The following SRCAP variants were observed in gnomAD, a reference collection of about 807,000 sequenced individuals.
SRCAP encodes chromatin remodeling protein SRCAP.
Under a neutral mutation model 263.1 loss-of-function variants are expected in SRCAP, and 46 were observed. The ratio of observed to expected loss-of-function variants is 0.17; its 90% CI spans 0.14 to 0.22. The LOEUF is 0.22. SRCAP is among the 10% of genes least tolerant of loss of function. The pLI, the probability that SRCAP is intolerant of heterozygous loss-of-function variation, is 1.00. For missense variants in SRCAP, 3,695 were observed against 4,181.9 expected, an observed-to-expected ratio of 0.88 and a Z score of 3.21; for synonymous variants, 1,813 against 1,662.1, an observed-to-expected ratio of 1.09 and a Z score of -2.21.
At chr16:30,715,793 A>G (rs1481481355) in intron 16 of SRCAP, among the ~76,000 whole-genome samples, 2 of 152,140 alleles carry the variant, frequency 1.3e-5, no homozygotes, top group East Asian at 1.9e-4. Context: ...AAACTTAACA[A>G]TTACTCCTCA....
At position 30,723,659 on chromosome 16, in the gene SRCAP, C is replaced by G; in HGVS notation, c.4235C>G (p.Ser1412Cys). 6.2e-7 allele frequency: 1 copy of G among 1,613,852 alleles called. No individual in the cohort carries two copies. Among genetic ancestry groups the G allele is most frequent in the Admixed American group, 1.7e-5 (1 of 60,014 alleles). The change falls in exon 25 of 34, where the codon TCT becomes TGT. Residue 1412 changes from serine to cysteine, a missense_variant. Ser to Cys is a moderately radical substitution (Grantham distance 112, BLOSUM62 -1). This residue lies in a region of SRCAP where 1,347 missense variants were observed against 1,304.4 expected (regional missense o/e 1.03). Transcript: ENST00000262518. Reference protein sequence around the residue: ...HVPSSLPGPASSPMPIPNSSP... With the variant: ...HVPSSLPGPACSPMPIPNSSP... ...CCATCCTCCCTCCCTGGGCCAGCCT[C>G]TTCTCCAATGCCAATTCCCAACTCC... is the stretch of plus-strand genomic sequence containing the variant.
intron 25 of SRCAP, 120 bp from the exon 26 acceptor site, chr16:30,728,846 G>C: frequency 1.6e-6 from 2 of 1,214,994 alleles, no homozygotes; most frequent in Non-Finnish European, 2.2e-6. Flanking sequence ...ACTACAAAAA[G>C]CATAGTGTAT....
chr16:30,725,716 G>GT (rs964963720), intron 25 of SRCAP: 42 of 152,108 alleles, frequency 2.8e-4, no homozygotes, highest in African/African-American at 8.4e-4. Context: ...TTGCCACTTG[G>GT]TTTTTTTTGG....
chr16:30,718,698 T>G (rs1479884021), intron 18 of SRCAP, among the ~76,000 whole-genome samples: 1 of 151,958 alleles, frequency 6.6e-6, no homozygotes, highest in Non-Finnish European at 1.5e-5. Flanking sequence ...CTCGAACGCC[T>G]GACCTCAGAT....
chr16:30,739,436 G>A lies in SRCAP; in HGVS notation c.9396G>A (p.Glu3132=), dbSNP rs746375864. The A allele has an allele frequency of 1.2e-6, 2 of 1,614,210 alleles. No homozygotes were observed. Among genetic ancestry groups the A allele is most frequent in the South Asian group, 1.1e-5 (1 of 91,084 alleles). ...CAGGGTCTCTAGTCCCCCCACTAGA[G>A]ACTGAGAAGTTGCCTCGCAAACGAG... The part of the protein sequence containing the change: ...LRPGSLVPPL[E]TEKLPRKRAG... Residue 3132 remains glutamate, a synonymous_variant, in exon 34 of 34, where the codon GAG becomes GAA. Coordinates refer to ENST00000262518, the MANE Select transcript of SRCAP (RefSeq NM_006662.3).
At chr16:30,719,086 G>A (rs1365714702) in intron 18 of SRCAP, among the ~76,000 whole-genome samples, 4 of 151,614 alleles carry the variant, frequency 2.6e-5, no homozygotes, top group Admixed American at 1.3e-4. Context: ...AGTAGAGATG[G>A]GGTTTCACCA....
At chr16:30,708,716 C>T (rs930131669) in intron 6 of SRCAP, among the ~76,000 whole-genome samples, 3 of 152,144 alleles carry the variant, frequency 2.0e-5, no homozygotes, top group African/African-American at 7.2e-5. Flanking sequence ...TTTGTGGAGA[C>T]AAGGTCTCGC....
chr16:30,705,831 C>T (rs557980196), intron 4 of SRCAP, among the ~76,000 whole-genome samples: 15 of 152,040 alleles, frequency 9.9e-5, no homozygotes, highest in African/African-American at 1.7e-4. Flanking sequence ...CTCAGCCTCC[C>T]GAGTAGCTGG....
Position 30,729,530 on chromosome 16 carries a change from C to T in SRCAP, c.6085C>T (p.Arg2029Cys), listed in dbSNP as rs527468932. 9 of 1,614,152 alleles carry T rather than the reference C, an allele frequency of 5.6e-6. No homozygotes were observed. The South Asian group carries it at 6.6e-5, about 12-fold the overall frequency. The change falls in exon 27 of 34, where the codon CGC becomes TGC. Residue 2029 changes from arginine (R) to cysteine (C), a missense_variant. Physicochemically the swap from Arg to Cys is radical, Grantham distance 180. Around this residue, in one of 12 missense-constraint regions of SRCAP, gnomAD observed 138 missense variants for 254.9 expected, o/e 0.54. Coordinates refer to ENST00000262518, the MANE Select transcript of SRCAP (RefSeq NM_006662.3). The stretch of plus-strand genomic sequence containing the variant: ...TTTGCACCGTATTGTGTGTAACATG[C>T]GCACCCAGTTCCCTGACTTAAGACT... ...RPLHRIVCNM[R>C]TQFPDLRLIQ...
Position 30,724,041 on chromosome 16 carries a change from A to G in SRCAP, c.4617A>G (p.Ser1539=). 5 of 1,613,824 alleles carry G rather than the reference A, an allele frequency of 3.1e-6. No homozygotes were observed. The highest frequency in any genetic ancestry group is 4.2e-6 in the Non-Finnish European group (5 of 1,179,978). ...PTSSHVPGLN[S]TVAPACSPVL... ...CTTCACATGTTCCAGGGTTGAACTC[A>G]ACCGTGGCCCCAGCATGCTCACCTG... Residue 1539 remains serine, a synonymous_variant, in exon 25 of 34, where the codon TCA becomes TCG. Coordinates refer to ENST00000262518, the MANE Select transcript of SRCAP (RefSeq NM_006662.3).
Position 30,707,061 on chromosome 16 carries a change from T to C in SRCAP, c.307-122T>C, listed in dbSNP as rs772502029. On this transcript the variant is annotated intron_variant, in intron 4 of 33. Transcript: ENST00000262518. ...AGAGTATGATACCTGCCTGTAAGTT[T>C]GGTATGTGGACTAAACATAAGCATA... 6.7e-4 allele frequency: 601 copies of C among 897,072 alleles called. 2 individuals carry two copies. The highest frequency in any genetic ancestry group is 9.3e-4 in the Non-Finnish European group (553 of 593,294). 55.6% of individuals were successfully genotyped at this position (897,072 alleles called of 1,614,324 possible).
chr16:30,739,013 C>A lies in SRCAP; in HGVS notation c.8973C>A (p.Asn2991Lys). Reference protein sequence around the residue: ...LLVCPTATVANTVTTVTISTS... With the variant: ...LLVCPTATVAKTVTTVTISTS... Reference sequence around the variant, plus strand: ...TTTGTCCCACTGCTACTGTTGCCAACACTGTCACCACTGTCACCATTTCAA... The same window carrying A: ...TTTGTCCCACTGCTACTGTTGCCAAAACTGTCACCACTGTCACCATTTCAA... Residue 2991 changes from asparagine to lysine, a missense_variant, in exon 34 of 34, where the codon AAC becomes AAA. Around this residue, in one of 12 missense-constraint regions of SRCAP, gnomAD observed 1,207 missense variants for 1,142.9 expected, o/e 1.06. Transcript: ENST00000262518. The A allele has an allele frequency of 6.2e-7, 1 of 1,613,752 alleles. No homozygotes were observed.
intron 25 of SRCAP, among the ~76,000 whole-genome samples, chr16:30,726,527 T>G (rs1426304368): frequency 6.6e-6 from 1 of 151,986 alleles, no homozygotes; most frequent in East Asian, 1.9e-4. Context: ...CAATACTTTT[T>G]TTTTTTTTTT....
At chr16:30,711,134 G>A (rs145213735) in intron 10 of SRCAP, 46 bp downstream of exon 10, 26 of 1,443,878 alleles carry the variant, frequency 1.8e-5, no homozygotes, top group African/African-American at 1.3e-4. Context: ...TGGTGTCTGC[G>A]GTGTGCAGTA....
chr16:30,700,691 G>C lies in SRCAP; in HGVS notation c.-134G>C. The C allele has an allele frequency of 1.2e-6, 1 of 800,322 alleles. No individual in the cohort carries two copies. Among genetic ancestry groups the C allele is most frequent in the Non-Finnish European group, 1.9e-6 (1 of 517,294 alleles). 49.6% of individuals were successfully genotyped at this position (800,322 alleles called of 1,614,324 possible). ...CCCCGGGCCCTGGAAGGCGGGTCCCGGTGGCCGGTGGCCCAGAATGAGGCC... is the reference window on the plus strand; with the variant it reads ...CCCCGGGCCCTGGAAGGCGGGTCCCCGTGGCCGGTGGCCCAGAATGAGGCC... On this transcript the variant is annotated 5_prime_UTR_variant, in exon 3 of 34. Coordinates refer to ENST00000262518, the MANE Select transcript of SRCAP (RefSeq NM_006662.3).
rs939080041 is a variant in SRCAP, at chr16:30,723,015, A to G, written c.3945A>G (p.Gln1315=). Residue 1315 remains glutamine (Q), a synonymous_variant, in exon 24 of 34, where the codon CAA becomes CAG. Coordinates refer to ENST00000262518, the MANE Select transcript of SRCAP (RefSeq NM_006662.3). ...NTGVVKIVVR[Q]APRDGLTPVP... Reference sequence around the variant, plus strand: ...GCGTGGTGAAGATTGTAGTGAGACAAGCCCCTCGGGATGGACTGACTCCTG... The same window carrying G: ...GCGTGGTGAAGATTGTAGTGAGACAGGCCCCTCGGGATGGACTGACTCCTG... The G allele has an allele frequency of 4.3e-6, 7 of 1,613,990 alleles. No homozygotes were observed. Among genetic ancestry groups the G allele is most frequent in the Non-Finnish European group, 5.1e-6 (6 of 1,179,986 alleles).
Position 30,738,194 on chromosome 16 carries a change from A to T in SRCAP, c.8154A>T (p.Arg2718=). Residue 2718 remains arginine (R), a synonymous_variant, in exon 34 of 34, where the codon CGA becomes CGT. Coordinates refer to ENST00000262518, the MANE Select transcript of SRCAP (RefSeq NM_006662.3). ...CGCCTGAGGGTCCTTCACCTGCCCGACCTCCTCGGCGTCGCACCAGTGCTG... is the reference window on the plus strand; with the variant it reads ...CGCCTGAGGGTCCTTCACCTGCCCGTCCTCCTCGGCGTCGCACCAGTGCTG... The part of the protein sequence containing the change: ...TSSPEGPSPA[R]PPRRRTSADV... 1 of 1,613,896 alleles carries T rather than the reference A, an allele frequency of 6.2e-7. No homozygotes were observed. The highest frequency in any genetic ancestry group is 8.5e-7 in the Non-Finnish European group (1 of 1,179,988).
In SRCAP at chr16:30,723,683, C is replaced by A; in HGVS notation, c.4259C>A (p.Ser1420Tyr). 1 of 1,614,100 alleles carries A rather than the reference C, an allele frequency of 6.2e-7. No individual in the cohort carries two copies. Among genetic ancestry groups the A allele is most frequent in the Non-Finnish European group, 8.5e-7 (1 of 1,180,004 alleles). ...PASSPMPIPN[S>Y]SPLASPVSST... ...TCTTCTCCAATGCCAATTCCCAACT[C>A]CTCTCCCCTTGCTAGTCCTGTGTCC... The change falls in exon 25 of 34, where the codon TCC becomes TAC. Residue 1420 changes from serine (S) to tyrosine (Y), a missense_variant. Physicochemically the swap from Ser to Tyr is moderately radical, Grantham distance 144. Transcript: ENST00000262518.
chr16:30,724,844 C>T lies in SRCAP; in HGVS notation c.5420C>T (p.Ala1807Val), dbSNP rs150467782. ...GGCCCGGCCGCAGCTCAGACCTTGG[C>T]GCTGGCCCCAGCCTCCACACAGTCC... ...TLGPAAAQTL[A>V]LAPASTQSPA... is the part of the protein sequence containing the mutation. The change falls in exon 25 of 34, where the codon GCG becomes GTG. Residue 1807 changes from alanine to valine, a missense_variant. Ala to Val is a moderately conservative substitution (Grantham distance 64, BLOSUM62 0). Around this residue, in one of 12 missense-constraint regions of SRCAP, gnomAD observed 1,347 missense variants for 1,304.4 expected, o/e 1.03. Coordinates refer to ENST00000262518, the MANE Select transcript of SRCAP (RefSeq NM_006662.3). 4.5e-4 allele frequency: 725 copies of T among 1,614,016 alleles called. 1 individual carries two copies. Among genetic ancestry groups the T allele is most frequent in the Non-Finnish European group, 5.3e-4 (629 of 1,179,924 alleles).
Sources: gnomAD v4.1 joint callset for allele counts (sites outside exome capture counted in the v4.1 genomes callset) on GRCh38, gnomAD v4.1.1 for gene constraint, gnomAD v4.1.1 regional missense constraint, MANE v1.5 for transcripts, NCBI Gene and HGNC (gene_info 2026-07-23, HGNC 2026-07-21) for gene names.